EIF3J: variants seen among roughly 807,000 people sequenced by gnomAD.
EIF3J encodes the protein eukaryotic translation initiation factor 3 subunit J, also known as eukaryotic translation initiation factor 3, subunit 1 (alpha, 35kD).
Under a neutral mutation model 39.0 loss-of-function variants are expected in EIF3J, and 15 were observed. The observed-to-expected ratio is 0.38, with a 90% CI of 0.26 to 0.59. EIF3J has a LOEUF of 0.59. Ranked by LOEUF, EIF3J falls within the 20% of genes least tolerant of loss-of-function variation. The pLI, the probability that EIF3J is intolerant of heterozygous loss-of-function variation, is 0.60. For missense variants in EIF3J, 226 were observed against 308.6 expected, an observed-to-expected ratio of 0.73 and a Z score of 2.00; for synonymous variants, 98 against 112.9, an observed-to-expected ratio of 0.87 and a Z score of 0.84.
rs761060123 is a variant in EIF3J, at chr15:44,557,572, GATAAAATTACACAAT to G, written c.496_510del (p.Lys166_Tyr170del). 1 of 1,552,644 alleles carries G rather than the reference GATAAAATTACACAAT, an allele frequency of 6.4e-7. No individual in the cohort carries two copies. The highest frequency in any genetic ancestry group is 8.7e-7 in the Non-Finnish European group (1 of 1,151,452). On this transcript the variant is annotated inframe_deletion, in exon 6 of 8. Coordinates refer to ENST00000261868, the MANE Select transcript of EIF3J (RefSeq NM_003758.4). ...TACAGAGTTTGGAAAGTTACTAAAAGATAAAATTACACAATATGAAAAGTCACTATATTATGCCAG... is the reference window on the plus strand; with the variant it reads ...TACAGAGTTTGGAAAGTTACTAAAAGATGAAAAGTCACTATATTATGCCAG...
chr15:44,555,722 C>T (rs1333233911), intron 5 of EIF3J, among the ~76,000 whole-genome samples: 1 of 152,192 alleles, frequency 6.6e-6, no homozygotes, highest in Non-Finnish European at 1.5e-5. Context: ...TAAAAACATG[C>T]ATTCATATAG....
At chr15:44,537,896 A>C (rs1176226178) in intron 2 of EIF3J, among the ~76,000 whole-genome samples, 1 of 152,206 alleles carries the variant, frequency 6.6e-6, no homozygotes, top group East Asian at 1.9e-4. Flanking sequence ...GGATTAGATG[A>C]GTGAAATATT....
intron 2 of EIF3J, among the ~76,000 whole-genome samples, chr15:44,545,788 T>C (rs1042089154): frequency 1.3e-5 from 2 of 152,228 alleles, no homozygotes; most frequent in African/African-American, 4.8e-5. Flanking sequence ...CACCAGAACT[T>C]ATTCTTCTAA....
chr15:44,551,530 C>G lies in EIF3J; in HGVS notation c.294+8C>G, dbSNP rs760006784. The G allele has an allele frequency of 2.5e-5, 39 of 1,572,466 alleles. No homozygotes were observed. In the South Asian group the frequency reaches 3.4e-4, roughly 14 times the overall value. On this transcript the variant is annotated splice_region_variant and intron_variant, in intron 4 of 7. Coordinates refer to ENST00000261868, the MANE Select transcript of EIF3J (RefSeq NM_003758.4). ...GAAGAAATTAAAAAGAGGGTAAATT[C>G]TGTTTTCTAAAATACAGAATTCTCA...
chr15:44,542,334 T>C (rs1257684912), intron 2 of EIF3J, among the ~76,000 whole-genome samples: 3 of 152,028 alleles, frequency 2.0e-5, no homozygotes, highest in African/African-American at 4.8e-5. Context: ...ATTAAAGGCT[T>C]TTTTTTTCTT....
intron 2 of EIF3J, among the ~76,000 whole-genome samples, chr15:44,544,036 T>G (rs536720658): frequency 1.3e-4 from 20 of 152,212 alleles, no homozygotes; most frequent in African/African-American, 4.6e-4. Flanking sequence ...TTCTTCCTTC[T>G]TGACCTCTTA....
intron 3 of EIF3J, 105 bp from the exon 4 acceptor site, chr15:44,551,326 C>T (rs2082097224): frequency 4.1e-6 from 3 of 727,934 alleles, no homozygotes; most frequent in South Asian, 4.4e-5. Context: ...CTGTTTGAAG[C>T]TGGGAAAGGT....
rs2082093335 is a variant in EIF3J, at chr15:44,550,900, GA to G, written c.180del (p.Glu61ArgfsTer5). 12 of 1,606,548 alleles carry G rather than the reference GA, an allele frequency of 7.5e-6. No individual in the cohort carries two copies. Among genetic ancestry groups the G allele is most frequent in the East Asian group, 2.2e-5 (1 of 44,778 alleles). ...GGATAACTGGGATGACGATGATGAT[GA>G]AAAAAAAGAGGAAGCAGAAGTAAAA... ...VKDNWDDDDD[E>X]KKEEAEVKPE... On this transcript the variant is annotated frameshift_variant, in exon 3 of 8. Transcript: ENST00000261868. LOFTEE classifies it high-confidence loss of function.
At chr15:44,554,462 A>C (rs1337192479) in intron 4 of EIF3J, 91 bp from the exon 5 acceptor site, 1 of 525,662 alleles carries the variant, frequency 1.9e-6, no homozygotes, top group African/African-American at 2.0e-5. Context: ...ATTTGTTATT[A>C]TATACGCTTA....
intron 2 of EIF3J, among the ~76,000 whole-genome samples, chr15:44,549,006 CAAG>C (rs1260147320): frequency 6.6e-6 from 1 of 151,030 alleles, no homozygotes; most frequent in African/African-American, 2.4e-5. Context: ...TATCATAACA[CAAG>C]AAAAAAACTC....
chr15:44,552,643 C>T (rs1452853664), intron 4 of EIF3J, among the ~76,000 whole-genome samples: 3 of 152,012 alleles, frequency 2.0e-5, no homozygotes, highest in Non-Finnish European at 2.9e-5. Context: ...TGGCTCACTG[C>T]AACCTTCTCC....
intron 4 of EIF3J, among the ~76,000 whole-genome samples, chr15:44,553,952 A>G (rs1273198070): frequency 6.6e-6 from 1 of 152,170 alleles, no homozygotes; most frequent in South Asian, 2.1e-4. Flanking sequence ...CTTTTTTTAA[A>G]AAAGGTTATA....
At chr15:44,547,206 C>T (rs1049574756) in intron 2 of EIF3J, among the ~76,000 whole-genome samples, 2 of 152,032 alleles carry the variant, frequency 1.3e-5, no homozygotes, top group African/African-American at 2.4e-5. Context: ...TGCAATGGCG[C>T]GATCTCGGCT....
At chr15:44,559,995 C>T (rs2082178435) in intron 6 of EIF3J, among the ~76,000 whole-genome samples, 1 of 152,178 alleles carries the variant, frequency 6.6e-6, no homozygotes, top group African/African-American at 2.4e-5. Context: ...AAGTGATCCA[C>T]CCACCTAGGC....
chr15:44,560,868 A>C, intron 7 of EIF3J, 150 bp from the exon 8 acceptor site: 1 of 1,080,252 alleles, frequency 9.3e-7, no homozygotes, highest in Non-Finnish European at 1.3e-6. Flanking sequence ...AGACCTGTTC[A>C]GGTCCAAAAC....
At chr15:44,539,617 G>C (rs937502791) in intron 2 of EIF3J, among the ~76,000 whole-genome samples, 3 of 151,108 alleles carry the variant, frequency 2.0e-5, no homozygotes, top group Non-Finnish European at 4.4e-5. Flanking sequence ...AGCCAGGATG[G>C]TCTCAATCTC....
In EIF3J at chr15:44,557,505, T is replaced by A. The variant is rs764741773; in HGVS notation, c.426T>A (p.Val142=). The A allele has an allele frequency of 1.3e-6, 2 of 1,533,100 alleles. No individual in the cohort carries two copies. Among genetic ancestry groups the A allele is most frequent in the Admixed American group, 4.6e-5 (2 of 43,810 alleles). 95.0% of individuals were successfully genotyped at this position (1,533,100 alleles called of 1,614,324 possible). The change falls in exon 6 of 8, where the codon GTT becomes GTA. Residue 142 remains valine, a synonymous_variant. Transcript: ENST00000261868. The part of the protein sequence containing the change: ...AKETFGVNNA[V]YGIDAMNPSS... The stretch of plus-strand genomic sequence containing the variant: ...CTCCTACAGGTGTTAATAATGCAGT[T>A]TATGGAATAGATGCTATGAACCCAT...
chr15:44,551,557 A>T, intron 4 of EIF3J, 35 bp downstream of exon 4: 1 of 1,488,118 alleles, frequency 6.7e-7, no homozygotes, highest in Non-Finnish European at 9.1e-7. Flanking sequence ...GAATTCTCAC[A>T]TCGGTAGTGG....
chr15:44,540,259 ATATATATAT>A (rs1457091456), intron 2 of EIF3J, among the ~76,000 whole-genome samples: 1,453 of 56,158 alleles, frequency 0.026, 29 homozygotes, highest in East Asian at 0.11. Flanking sequence ...ATATATATAT[ATATATATAT>A]TTTTTTTTTT....
Sources: allele counts gnomAD v4.1 joint callset (sites outside exome capture counted in the v4.1 genomes callset), GRCh38; gene constraint gnomAD v4.1.1; transcripts MANE v1.5; gene names NCBI Gene and HGNC (gene_info 2026-07-23, HGNC 2026-07-21).